BCL2L11: variants seen among roughly 807,000 people sequenced by gnomAD.
The protein encoded by BCL2L11 is bcl-2-like protein 11.
BCL2L11 carries 15 observed loss-of-function variants against 20.6 expected under a neutral mutation model. The ratio of observed to expected loss-of-function variants is 0.73; its 90% CI spans 0.49 to 1.12. The LOEUF is 1.12. Among genes scored for constraint, BCL2L11 ranks in the 50% most tolerant of loss-of-function variants. BCL2L11 has a pLI of 0.00. For synonymous variants in BCL2L11, 108 were observed against 92.8 expected (o/e 1.16, Z -0.94); for missense variants, 292 against 260.9 (o/e 1.12, Z -0.82).
intron 2 of BCL2L11, chr2:111,142,162 A>T (rs752970855): frequency 6.8e-5 from 47 of 691,632 alleles, no homozygotes; most frequent in Non-Finnish European, 1.1e-4. Flanking sequence ...ACCAGAACAC[A>T]GTCTTTCAGC....
At chr2:111,158,366 C>T (rs2078143096) in intron 3 of BCL2L11, among the ~76,000 whole-genome samples, 1 of 152,140 alleles carries the variant, frequency 6.6e-6, no homozygotes, top group African/African-American at 2.4e-5. Context: ...GTGACAGCCC[C>T]TGGGTATTCT....
intron 1 of BCL2L11, chr2:111,123,025 T>G (rs1284601090): frequency 3.1e-6 from 3 of 982,626 alleles, no homozygotes; most frequent in African/African-American, 1.7e-5. Context: ...TTGTAGACCT[T>G]GCAGGCGTTC....
At chr2:111,121,576 G>C (rs1353470142) in intron 1 of BCL2L11, among the ~76,000 whole-genome samples, 1 of 152,236 alleles carries the variant, frequency 6.6e-6, no homozygotes, top group Non-Finnish European at 1.5e-5. Context: ...CTCGCCGCCG[G>C]CTCCGGCGCC....
chr2:111,142,873 C>T (rs745664552), intron 2 of BCL2L11, among the ~76,000 whole-genome samples: 5 of 152,192 alleles, frequency 3.3e-5, no homozygotes, highest in Admixed American at 6.5e-5. Context: ...AAACAACTTA[C>T]AGTAACTTCA....
At chr2:111,159,130 G>A (rs1453039079) in intron 3 of BCL2L11, among the ~76,000 whole-genome samples, 5 of 152,182 alleles carry the variant, frequency 3.3e-5, no homozygotes, top group Non-Finnish European at 5.9e-5. Flanking sequence ...GGAGCAACGG[G>A]CCCTTCCCAG....
chr2:111,137,146 T>C (rs1456452575), intron 2 of BCL2L11, among the ~76,000 whole-genome samples: 1 of 152,200 alleles, frequency 6.6e-6, no homozygotes, highest in Non-Finnish European at 1.5e-5. Context: ...AGAGTACTTG[T>C]AGTAGGTTTA....
At chr2:111,139,163 G>C (rs1005073008) in intron 2 of BCL2L11, among the ~76,000 whole-genome samples, 11 of 152,186 alleles carry the variant, frequency 7.2e-5, no homozygotes, top group African/African-American at 2.4e-4. Context: ...CTGGAGGGGG[G>C]CGTGGGAAGA....
At position 111,161,690 on chromosome 2, in the gene BCL2L11, G is replaced by A. The variant is rs1179842918; in HGVS notation, c.499-2443G>A. On this transcript the variant is annotated intron_variant, in intron 3 of 3. Transcript: ENST00000393256. ...TACAGGGATTGTCATCTTTAGTCCT[G>A]ACTTTCCAATTCCATCTTGGATGTG... 4 of 1,074,556 alleles carry A rather than the reference G, an allele frequency of 3.7e-6. No homozygotes were observed. The African/African-American group carries it at 6.4e-5, about 17-fold the overall frequency. 66.6% of individuals were successfully genotyped at this position (1,074,556 alleles called of 1,614,324 possible).
At chr2:111,145,061 A>G (rs1559058855) in intron 2 of BCL2L11, among the ~76,000 whole-genome samples, 1 of 152,210 alleles carries the variant, frequency 6.6e-6, no homozygotes, top group Non-Finnish European at 1.5e-5. Flanking sequence ...TGAAAATCTA[A>G]TCTTGATTCT....
chr2:111,143,195 G>A (rs1284462655), intron 2 of BCL2L11, among the ~76,000 whole-genome samples: 1 of 152,186 alleles, frequency 6.6e-6, no homozygotes, highest in East Asian at 1.9e-4. Context: ...CTGTCGCAGA[G>A]ACTTACTAGG....
chr2:111,145,413 G>A (rs2076375431), intron 2 of BCL2L11, among the ~76,000 whole-genome samples: 1 of 152,056 alleles, frequency 6.6e-6, no homozygotes, highest in Non-Finnish European at 1.5e-5. Context: ...GAGGCTCTTG[G>A]GTTAGAAGCT....
intron 3 of BCL2L11, among the ~76,000 whole-genome samples, chr2:111,157,219 G>C (rs1259509848): frequency 2.0e-5 from 3 of 152,212 alleles, no homozygotes; most frequent in African/African-American, 7.2e-5. Context: ...AGATGCAGGT[G>C]CCTGGAAGGG....
intron 2 of BCL2L11, chr2:111,144,358 G>GGT (rs373380464): frequency 7.8e-5 from 73 of 932,396 alleles, no homozygotes; most frequent in Middle Eastern, 4.5e-4. Context: ...CCTGGAGGGA[G>GGT]GTGTGTGTGT....
At chr2:111,145,211 G>C (rs1306462422) in intron 2 of BCL2L11, among the ~76,000 whole-genome samples, 1 of 152,148 alleles carries the variant, frequency 6.6e-6, no homozygotes, top group Non-Finnish European at 1.5e-5. Context: ...CTGCCCCTCG[G>C]AAATGAGGGT....
chr2:111,123,556 A>T, intron 1 of BCL2L11, 177 bp from the exon 2 acceptor site: 1 of 976,294 alleles, frequency 1.0e-6, no homozygotes, highest in Non-Finnish European at 1.2e-6. Flanking sequence ...CCAAAAAAAA[A>T]TTACACCTTT....
rs552119326 is a variant in BCL2L11, at chr2:111,164,605, C to A, written c.*374C>A. 1 of 164,514 alleles carries A rather than the reference C, an allele frequency of 6.1e-6. No individual in the cohort carries two copies. The highest frequency in any genetic ancestry group is 1.3e-5 in the Non-Finnish European group (1 of 75,134). 10.2% of individuals were successfully genotyped at this position (164,514 alleles called of 1,614,324 possible). Reference sequence around the variant, plus strand: ...AACTTTTTAACCAATTTGTGAATAACTTTTGTATTAAAATTTTAAGAACCT... The same window carrying A: ...AACTTTTTAACCAATTTGTGAATAAATTTTGTATTAAAATTTTAAGAACCT... On this transcript the variant is annotated 3_prime_UTR_variant, in exon 4 of 4. Coordinates refer to ENST00000393256, the MANE Select transcript of BCL2L11 (RefSeq NM_138621.5).
chr2:111,142,200 A>G, intron 2 of BCL2L11: 2 of 855,660 alleles, frequency 2.3e-6, no homozygotes, highest in Non-Finnish European at 1.9e-6. Flanking sequence ...CTTAACTTGC[A>G]CTTGTGCTAA....
chr2:111,144,243 T>G (rs1300018648), intron 2 of BCL2L11, among the ~76,000 whole-genome samples: 1 of 152,252 alleles, frequency 6.6e-6, no homozygotes, highest in African/African-American at 2.4e-5. Flanking sequence ...AATCTTTGAG[T>G]ACTAATGCTG....
chr2:111,148,550 A>G (rs17041876), intron 2 of BCL2L11, among the ~76,000 whole-genome samples: 5,283 of 152,302 alleles, frequency 0.035, 332 homozygotes, highest in African/African-American at 0.12. Flanking sequence ...CACAGGTACA[A>G]TCAAAGTAAA....
Sources: gnomAD v4.1 joint callset for allele counts (sites outside exome capture counted in the v4.1 genomes callset) on GRCh38, gnomAD v4.1.1 for gene constraint, MANE v1.5 for transcripts, NCBI Gene and HGNC (gene_info 2026-07-23, HGNC 2026-07-21) for gene names.